The following LOC400499 variants were observed in gnomAD, a reference collection of about 807,000 sequenced individuals.
chr16:11,473,092 G>C, the LOC400499 span: 2 of 149,556 alleles, frequency 1.3e-5, no homozygotes, highest in African/African-American at 5.0e-5. Context: ...CTCTAGCCTG[G>C]GTGACAGAGG....
At chr16:11,414,948 C>T in the LOC400499 span, among the ~76,000 whole-genome samples, 17 of 152,188 alleles carry the variant, frequency 1.1e-4, no homozygotes, top group Admixed American at 1.1e-3. Flanking sequence ...AAGGTCAGTG[C>T]CTGGGGTCGG....
the LOC400499 span, among the ~76,000 whole-genome samples, chr16:11,431,589 A>G: frequency 6.6e-6 from 1 of 152,120 alleles, no homozygotes; most frequent in African/African-American, 2.4e-5. Flanking sequence ...TACTTTTGGT[A>G]GAGATGGGGT....
the LOC400499 span, among the ~76,000 whole-genome samples, chr16:11,403,718 T>C: frequency 6.6e-6 from 1 of 152,202 alleles, no homozygotes; most frequent in African/African-American, 2.4e-5. Context: ...AAACTAAGTC[T>C]TGTGGCTGCC....
the LOC400499 span, among the ~76,000 whole-genome samples, chr16:11,464,972 C>T: frequency 2.0e-5 from 3 of 152,178 alleles, no homozygotes; most frequent in Middle Eastern, 3.2e-3. Flanking sequence ...CATAGGTCTT[C>T]CCCCACCCAG....
At chr16:11,372,267 C>T in the LOC400499 span, 1 of 152,358 alleles carries the variant, frequency 6.6e-6, no homozygotes, top group Middle Eastern at 3.4e-3. Flanking sequence ...GAAACTCCTG[C>T]CTGAAAAGAC....
At chr16:11,390,660 G>A in the LOC400499 span, among the ~76,000 whole-genome samples, 29 of 152,344 alleles carry the variant, frequency 1.9e-4, no homozygotes, top group Non-Finnish European at 3.5e-4. Flanking sequence ...GTCTCTGCAA[G>A]GCCTGCTTAT....
chr16:11,521,079 T>G, the LOC400499 span, among the ~76,000 whole-genome samples: 3 of 152,170 alleles, frequency 2.0e-5, no homozygotes, highest in East Asian at 1.9e-4. Flanking sequence ...TGATAAAGAT[T>G]AATAAAGCAG....
the LOC400499 span, chr16:11,430,913 G>A: frequency 5.7e-4 from 227 of 397,540 alleles, no homozygotes; most frequent in African/African-American, 4.4e-3. Flanking sequence ...ATCTAAACCT[G>A]TAGATATGCC....
At chr16:11,460,551 C>T in the LOC400499 span, 1 of 1,535,640 alleles carries the variant, frequency 6.5e-7, no homozygotes. Context: ...CCGTCTGAGC[C>T]ACTGTCTGCC....
the LOC400499 span, among the ~76,000 whole-genome samples, chr16:11,520,747 A>T: frequency 2.0e-5 from 3 of 149,900 alleles, no homozygotes; most frequent in Non-Finnish European, 4.4e-5. Flanking sequence ...TCTGGGGGTT[A>T]TATTTTGTTT....
At chr16:11,472,403 G>A in the LOC400499 span, 1 of 152,002 alleles carries the variant, frequency 6.6e-6, no homozygotes, top group African/African-American at 2.4e-5. Context: ...ATATTGGCCA[G>A]GCTGATCTTG....
At chr16:11,391,251 G>T in the LOC400499 span, among the ~76,000 whole-genome samples, 5 of 152,248 alleles carry the variant, frequency 3.3e-5, no homozygotes, top group African/African-American at 1.2e-4. Flanking sequence ...GAGGTTCCCA[G>T]TCCTGCCACG....
At chr16:11,392,260 T>C in the LOC400499 span, 1 of 398,994 alleles carries the variant, frequency 2.5e-6, no homozygotes. Flanking sequence ...CACGGGGGCC[T>C]CTGCCCAGTG....
At chr16:11,405,745 C>T in the LOC400499 span, among the ~76,000 whole-genome samples, 2 of 152,220 alleles carry the variant, frequency 1.3e-5, no homozygotes, top group Non-Finnish European at 2.9e-5. Flanking sequence ...CTGCTCACTT[C>T]TGCCACCTGT....
the LOC400499 span, among the ~76,000 whole-genome samples, chr16:11,492,781 T>C: frequency 5.3e-5 from 5 of 94,994 alleles, no homozygotes; most frequent in Non-Finnish European, 7.6e-5. Context: ...TGAGACTCCG[T>C]CTCAAAAAAA....
At chr16:11,477,197 A>T in the LOC400499 span, among the ~76,000 whole-genome samples, 3 of 152,228 alleles carry the variant, frequency 2.0e-5, no homozygotes, top group Non-Finnish European at 4.4e-5. Context: ...GGGACAAAGC[A>T]TGTGGCTGGG....
At chr16:11,449,038 C>A in the LOC400499 span, 1 of 1,497,514 alleles carries the variant, frequency 6.7e-7, no homozygotes, top group Non-Finnish European at 8.9e-7. Flanking sequence ...TGCACTGCTG[C>A]GTTCCAGGCT....
At chr16:11,378,921 CT>C in the LOC400499 span, among the ~76,000 whole-genome samples, 1 of 152,170 alleles carries the variant, frequency 6.6e-6, no homozygotes, top group Non-Finnish European at 1.5e-5. Context: ...TGTTCAAGTA[CT>C]TTGTTTCCTT....
the LOC400499 span, chr16:11,515,860 A>AC: frequency 2.5e-5 from 4 of 163,212 alleles, no homozygotes; most frequent in East Asian, 9.2e-5. Flanking sequence ...GGCCCAGCCC[A>AC]GCCCAGCCCA....
Sources: allele counts gnomAD v4.1 joint callset (sites outside exome capture counted in the v4.1 genomes callset), GRCh38; gene constraint gnomAD v4.1.1; transcripts MANE v1.5.